ADAMTS9: variants seen among roughly 807,000 people sequenced by gnomAD.
The protein encoded by ADAMTS9 is A disintegrin and metalloproteinase with thrombospondin motifs 9.
In ADAMTS9, 107 loss-of-function variants were observed where a neutral mutation model predicts 257.1. The observed-to-expected ratio is 0.42, with a 90% CI of 0.36 to 0.49. ADAMTS9 has a LOEUF of 0.49. Ranked by LOEUF, ADAMTS9 falls within the 20% of genes least tolerant of loss-of-function variation. The probability of loss-of-function intolerance (pLI) is 0.03; values close to 1 mark genes in which losing one functional copy is unlikely to be tolerated. For missense variants in ADAMTS9, 2,353 were observed against 2,469.1 expected (o/e 0.95, Z 1.00); for synonymous variants, 982 against 880.9 (o/e 1.11, Z -2.03).
chr3:64,541,226 A>G lies in ADAMTS9; in HGVS notation c.5390T>C (p.Leu1797Ser). 2 of 1,614,202 alleles carry G rather than the reference A, an allele frequency of 1.2e-6. No homozygotes were observed. Among genetic ancestry groups the G allele is most frequent in the Non-Finnish European group, 1.7e-6 (2 of 1,180,024 alleles). The change falls in exon 36 of 40, where the codon TTA (leucine) becomes TCA (serine). Residue 1797 changes from leucine (L) to serine (S), a missense_variant and splice_region_variant. By Grantham distance (145) the Leu-to-Ser change is moderately radical. This residue lies in a region of ADAMTS9 where 1,402 missense variants were observed against 1,441.4 expected (regional missense o/e 0.97). Coordinates refer to ENST00000498707, the MANE Select transcript of ADAMTS9 (RefSeq NM_182920.2). ...ENFSEVYGHR[L>S]HNPTECPYNG... ...ATAGGGACATTCTGTTGGGTTGTGT[A>G]ACCTAAATTATACAGAGAATGTTCT...
At chr3:64,592,375 G>A (rs2084279195) in intron 28 of ADAMTS9, 2 of 152,104 alleles carry the variant, frequency 1.3e-5, no homozygotes, top group Non-Finnish European at 2.9e-5. Context: ...CTGTTTCAGA[G>A]AACTGTGTGC....
At chr3:64,539,650 C>T (rs1299272103) in intron 36 of ADAMTS9, among the ~76,000 whole-genome samples, 1 of 152,176 alleles carries the variant, frequency 6.6e-6, no homozygotes, top group East Asian at 1.9e-4. Context: ...TGGCTGAGAA[C>T]CTCCTGTTAT....
intron 37 of ADAMTS9, among the ~76,000 whole-genome samples, chr3:64,536,793 T>C (rs1213506396): frequency 6.6e-6 from 1 of 152,230 alleles, no homozygotes; most frequent in Non-Finnish European, 1.5e-5. Context: ...ATACCATCAA[T>C]AATAATAGTG....
chr3:64,660,663 G>A (rs2106977854), intron 3 of ADAMTS9, among the ~76,000 whole-genome samples: 1 of 152,274 alleles, frequency 6.6e-6, no homozygotes, highest in African/African-American at 2.4e-5. Context: ...CGACTGTCAA[G>A]GTATTGCAGT....
intron 4 of ADAMTS9, among the ~76,000 whole-genome samples, 194 bp downstream of exon 4, chr3:64,658,308 A>C (rs1701136032): frequency 6.6e-6 from 1 of 152,244 alleles, no homozygotes; most frequent in Non-Finnish European, 1.5e-5. Flanking sequence ...AACACAGAAT[A>C]AACACTCCGT....
intron 19 of ADAMTS9, among the ~76,000 whole-genome samples, chr3:64,618,715 TTTA>T (rs1279473276): frequency 1.3e-5 from 2 of 152,172 alleles, no homozygotes. Context: ...CCTGTTATAA[TTTA>T]TTATTATTAT....
At chr3:64,643,583 G>C (rs986759897) in intron 11 of ADAMTS9, among the ~76,000 whole-genome samples, 7 of 150,324 alleles carry the variant, frequency 4.7e-5, no homozygotes, top group African/African-American at 1.7e-4. Context: ...CTCCCAAGTA[G>C]CTGGGACCAC....
intron 11 of ADAMTS9, among the ~76,000 whole-genome samples, chr3:64,642,371 A>G (rs1481806627): frequency 1.3e-5 from 2 of 152,190 alleles, no homozygotes; most frequent in African/African-American, 4.8e-5. Context: ...TTCCATCAAC[A>G]AGGCCTAGAG....
At chr3:64,628,864 T>C (rs942983339) in intron 16 of ADAMTS9, among the ~76,000 whole-genome samples, 1 of 152,186 alleles carries the variant, frequency 6.6e-6, no homozygotes, top group African/African-American at 2.4e-5. Flanking sequence ...GTAGGCTTCA[T>C]ATCAGTAGCT....
intron 12 of ADAMTS9, among the ~76,000 whole-genome samples, chr3:64,639,961 A>T (rs1359732143): frequency 6.6e-6 from 1 of 152,196 alleles, no homozygotes; most frequent in Non-Finnish European, 1.5e-5. Context: ...ATTATTTCTC[A>T]TGGGGAGTAG....
At chr3:64,579,618 C>T (rs1233799643) in intron 28 of ADAMTS9, among the ~76,000 whole-genome samples, 1 of 151,872 alleles carries the variant, frequency 6.6e-6, no homozygotes, top group Non-Finnish European at 1.5e-5. Context: ...TAGAATGGTA[C>T]CTGGTTTATA....
chr3:64,531,054 G>A (rs1049778254), intron 38 of ADAMTS9, among the ~76,000 whole-genome samples: 1 of 152,136 alleles, frequency 6.6e-6, no homozygotes, highest in Non-Finnish European at 1.5e-5. Context: ...TTCAGTGCAA[G>A]GAAAAATATT....
chr3:64,535,552 C>CTTTTTTTTT (rs57945713), intron 37 of ADAMTS9, among the ~76,000 whole-genome samples: 10 of 84,592 alleles, frequency 1.2e-4, no homozygotes, highest in Non-Finnish European at 1.9e-4. Flanking sequence ...CTTTTCTTTT[C>CTTTTTTTTT]TTTTTTTTTT....
intron 28 of ADAMTS9, among the ~76,000 whole-genome samples, chr3:64,575,849 T>C (rs1372725641): frequency 1.3e-5 from 2 of 152,242 alleles, no homozygotes; most frequent in Non-Finnish European, 2.9e-5. Context: ...TACATTTTTT[T>C]TGCATCATTA....
In ADAMTS9 at chr3:64,602,099, G is replaced by C. The variant is rs142999692; in HGVS notation, c.3862C>G (p.Gln1288Glu). Reference protein sequence around the residue: ...CDQDYIPETDQDCSMSPCPQR... With the variant: ...CDQDYIPETDEDCSMSPCPQR... Reference sequence around the variant, plus strand: ...GGGCATGGTGACATGGAACAGTCCTGGTCAGTTTCTGGGATATAATCCTGG... The same window carrying C: ...GGGCATGGTGACATGGAACAGTCCTCGTCAGTTTCTGGGATATAATCCTGG... Residue 1288 changes from glutamine (Q) to glutamate (E), a missense_variant, in exon 26 of 40, where the codon CAG (glutamine) becomes GAG (glutamate). Physicochemically the swap from Gln to Glu is conservative, Grantham distance 29. This residue lies in a region of ADAMTS9 where 1,402 missense variants were observed against 1,441.4 expected (regional missense o/e 0.97). Coordinates refer to ENST00000498707, the MANE Select transcript of ADAMTS9 (RefSeq NM_182920.2). 1 of 1,614,064 alleles carries C rather than the reference G, an allele frequency of 6.2e-7. No individual in the cohort carries two copies. The highest frequency in any genetic ancestry group is 1.3e-5 in the African/African-American group (1 of 75,020).
chr3:64,685,901 C>T (rs1021949878), intron 2 of ADAMTS9, among the ~76,000 whole-genome samples: 1 of 152,160 alleles, frequency 6.6e-6, no homozygotes, highest in Non-Finnish European at 1.5e-5. Context: ...GCTGCACCCC[C>T]ACTCTCGGTT....
chr3:64,563,156 G>A (rs2083457344), intron 29 of ADAMTS9: 1 of 152,200 alleles, frequency 6.6e-6, no homozygotes, highest in South Asian at 2.1e-4. Flanking sequence ...CTGAACACAA[G>A]TGATGACCCT....
At chr3:64,622,974 A>G (rs746833828) in intron 16 of ADAMTS9, among the ~76,000 whole-genome samples, 4 of 152,198 alleles carry the variant, frequency 2.6e-5, no homozygotes, top group Non-Finnish European at 5.9e-5. Context: ...CACTTACAAA[A>G]TTGGTTCCTA....
chr3:64,607,088 A>G lies in ADAMTS9; in HGVS notation c.3355-9T>C. ...CCACAAGTGACACTGCACTGGAAGAAGGAGGACAAAAGGTATATACAATTC... is the reference window on the plus strand; with the variant it reads ...CCACAAGTGACACTGCACTGGAAGAGGGAGGACAAAAGGTATATACAATTC... On this transcript the variant is annotated splice_polypyrimidine_tract_variant and intron_variant, in intron 22 of 39. Transcript: ENST00000498707. 1 of 1,613,484 alleles carries G rather than the reference A, an allele frequency of 6.2e-7. No homozygotes were observed. Among genetic ancestry groups the G allele is most frequent in the Non-Finnish European group, 8.5e-7 (1 of 1,179,674 alleles).
Sources: gnomAD v4.1 joint callset for allele counts (sites outside exome capture counted in the v4.1 genomes callset) on GRCh38, gnomAD v4.1.1 for gene constraint, gnomAD v4.1.1 regional missense constraint, MANE v1.5 for transcripts, NCBI Gene and HGNC (gene_info 2026-07-23, HGNC 2026-07-21) for gene names.